ITPKC: variants seen among roughly 807,000 people sequenced by gnomAD.
The protein encoded by ITPKC is IP3 3-kinase C.
Under a neutral mutation model 67.1 loss-of-function variants are expected in ITPKC, and 33 were observed. That is an observed-to-expected ratio of 0.49 (90% CI 0.37 to 0.66). ITPKC has a LOEUF of 0.66. ITPKC is among the 30% of genes least tolerant of loss of function. The probability of loss-of-function intolerance (pLI) is 0.00; values close to 1 mark genes in which losing one functional copy is unlikely to be tolerated. For synonymous variants in ITPKC, 341 were observed against 359.8 expected (o/e 0.95, Z 0.59); for missense variants, 820 against 892.1 (o/e 0.92, Z 1.03).
intron 1 of ITPKC, among the ~76,000 whole-genome samples, chr19:40,721,645 A>G (rs1218229079): frequency 1.3e-5 from 2 of 151,942 alleles, no homozygotes; most frequent in Non-Finnish European, 2.9e-5. Context: ...CTGGGATTAC[A>G]AGCATGAGCC....
chr19:40,737,400 T>G (rs1197046664), intron 5 of ITPKC, among the ~76,000 whole-genome samples: 1 of 152,236 alleles, frequency 6.6e-6, no homozygotes, highest in African/African-American at 2.4e-5. Flanking sequence ...GGGCTCAGAA[T>G]GGCCACCATC....
chr19:40,731,279 G>T (rs536553558), intron 3 of ITPKC, among the ~76,000 whole-genome samples: 1 of 152,286 alleles, frequency 6.6e-6, no homozygotes, highest in African/African-American at 2.4e-5. Flanking sequence ...TCTCTGGAGG[G>T]CGAACCCTAT....
chr19:40,739,578 A>C lies in ITPKC; in HGVS notation c.*18A>C, dbSNP rs755223441. 6.2e-7 allele frequency: 1 copy of C among 1,604,008 alleles called. No homozygotes were observed. The highest frequency in any genetic ancestry group is 8.5e-7 in the Non-Finnish European group (1 of 1,173,976). On this transcript the variant is annotated 3_prime_UTR_variant, in exon 7 of 7. Transcript: ENST00000263370. The stretch of plus-strand genomic sequence containing the variant: ...AGAGCTGAGCTGCTCAGCCACCATC[A>C]GGTTAATTGGATGGCGCCAGTCTGG...
intron 4 of ITPKC, among the ~76,000 whole-genome samples, chr19:40,733,648 T>C (rs1218314375): frequency 6.6e-6 from 1 of 152,236 alleles, no homozygotes; most frequent in Non-Finnish European, 1.5e-5. Context: ...CTGGGCATCC[T>C]GGCCCTGGTC....
chr19:40,730,003 C>T (rs1326265003), intron 3 of ITPKC, among the ~76,000 whole-genome samples: 4 of 152,136 alleles, frequency 2.6e-5, no homozygotes, highest in South Asian at 2.1e-4. Context: ...TGCAGTGGCA[C>T]GATCTCGGCT....
At chr19:40,729,030 AAAAAT>A (rs886463779) in intron 2 of ITPKC, among the ~76,000 whole-genome samples, 167 bp from the exon 3 acceptor site, 30 of 152,244 alleles carry the variant, frequency 2.0e-4, no homozygotes, top group African/African-American at 6.3e-4. Context: ...TCCATCTCAA[AAAAAT>A]AAAATAAAAT....
intron 2 of ITPKC, among the ~76,000 whole-genome samples, chr19:40,725,845 T>G (rs889884909): frequency 6.6e-6 from 1 of 152,158 alleles, no homozygotes; most frequent in Admixed American, 6.6e-5. Flanking sequence ...GGCTTACATC[T>G]GTAATCCTAG....
chr19:40,729,234 C>G lies in ITPKC; in HGVS notation c.1288C>G (p.Leu430Val), dbSNP rs1312505687. Residue 430 changes from leucine (L) to valine (V), a missense_variant, in exon 3 of 7, where the codon CTG becomes GTG. Physicochemically the swap from Leu to Val is conservative, Grantham distance 32. Transcript: ENST00000263370. ...NFQAGEDGRI[L>V]KRFCQCEQRS... ...CCAGGCAGGAGAGGATGGTCGGATT[C>G]TGAAACGTTTCTGTCAGTGTGAGCA... 4 of 1,613,996 alleles carry G rather than the reference C, an allele frequency of 2.5e-6. No homozygotes were observed. In the Admixed American group the frequency reaches 5.0e-5, roughly 20 times the overall value.
rs2082197506 is a variant in ITPKC, at chr19:40,717,681, G to A, written c.546G>A (p.Gln182=). Residue 182 remains glutamine, a synonymous_variant, in exon 1 of 7, where the codon CAG becomes CAA. Transcript: ENST00000263370. The stretch of plus-strand genomic sequence containing the variant: ...CAGAGCTGGAAACGCATGGGTCACA[G>A]ACTCAGCCAGAGAGGGTCAAGTCCT... ...PWTELETHGS[Q]TQPERVKSWA... 1 of 1,614,142 alleles carries A rather than the reference G, an allele frequency of 6.2e-7. No individual in the cohort carries two copies. The highest frequency in any genetic ancestry group is 8.5e-7 in the Non-Finnish European group (1 of 1,180,010).
intron 3 of ITPKC, 26 bp from the exon 4 acceptor site, chr19:40,733,134 C>A (rs757197273): frequency 1.2e-6 from 2 of 1,606,216 alleles, no homozygotes; most frequent in Non-Finnish European, 1.7e-6. Context: ...ACATAATTTC[C>A]TTTGTCACAT....
Position 40,717,320 on chromosome 19 carries a change from C to T in ITPKC, c.185C>T (p.Thr62Ile). ...GAGGGGGGCGGGCCCTGGGCCCGGA[C>T]AGAGGGGTCCAGCCTCCACAGCGAG... ...RPEGGGPWAR[T>I]EGSSLHSEPE... The change falls in exon 1 of 7, where the codon ACA becomes ATA. Residue 62 changes from threonine (T) to isoleucine (I), a missense_variant. By Grantham distance (89) the Thr-to-Ile change is moderately conservative (BLOSUM62 -1). Coordinates refer to ENST00000263370, the MANE Select transcript of ITPKC (RefSeq NM_025194.3). 1 of 1,587,048 alleles carries T rather than the reference C, an allele frequency of 6.3e-7. No homozygotes were observed. The highest frequency in any genetic ancestry group is 8.5e-7 in the Non-Finnish European group (1 of 1,169,594).
chr19:40,719,257 G>C (rs2082209664), intron 1 of ITPKC, among the ~76,000 whole-genome samples: 1 of 152,106 alleles, frequency 6.6e-6, no homozygotes, highest in South Asian at 2.1e-4. Context: ...CTGCCTTGAC[G>C]TGCCTGTGCC....
At chr19:40,738,419 A>AC (rs1172145340) in intron 6 of ITPKC, among the ~76,000 whole-genome samples, 36 of 151,906 alleles carry the variant, frequency 2.4e-4, no homozygotes, top group African/African-American at 8.2e-4. Flanking sequence ...ACAGAGTGAG[A>AC]CTCTGTCTCA....
At chr19:40,726,924 C>T (rs2082248694) in intron 2 of ITPKC, among the ~76,000 whole-genome samples, 1 of 151,962 alleles carries the variant, frequency 6.6e-6, no homozygotes, top group Admixed American at 6.6e-5. Context: ...CACCTGTGGT[C>T]CCAGGTACTT....
intron 6 of ITPKC, 25 bp downstream of exon 6, chr19:40,737,794 G>A (rs754413835): frequency 9.1e-5 from 144 of 1,588,214 alleles, no homozygotes; most frequent in African/African-American, 1.3e-5. Context: ...TTCCATGGGT[G>A]GATGTATGGG....
intron 2 of ITPKC, among the ~76,000 whole-genome samples, chr19:40,728,206 C>T (rs191780687): frequency 8.7e-4 from 132 of 151,986 alleles, no homozygotes; most frequent in Non-Finnish European, 1.7e-3. Flanking sequence ...TACCCCAACC[C>T]GACATTACAC....
In ITPKC at chr19:40,739,429, A is replaced by C. The variant is rs2082312809; in HGVS notation, c.1921A>C (p.Lys641Gln). The C allele has an allele frequency of 1.2e-6, 2 of 1,613,700 alleles. No homozygotes were observed. Among genetic ancestry groups the C allele is most frequent in the Non-Finnish European group, 1.7e-6 (2 of 1,180,042 alleles). ...CAAGGTCTGGATGATAGACTTCGGCAAGACGGTGGCCTTGCCCGACCACCA... is the reference window on the plus strand; with the variant it reads ...CAAGGTCTGGATGATAGACTTCGGCCAGACGGTGGCCTTGCCCGACCACCA... ...LAKVWMIDFG[K>Q]TVALPDHQTL... Residue 641 changes from lysine to glutamine, a missense_variant, in exon 7 of 7, where the codon AAG becomes CAG. By Grantham distance (53) the Lys-to-Gln change is moderately conservative. This residue lies in a region of ITPKC where 339 missense variants were observed against 422.0 expected (regional missense o/e 0.80). Transcript: ENST00000263370.
intron 4 of ITPKC, among the ~76,000 whole-genome samples, chr19:40,736,489 G>A (rs1021735422): frequency 6.6e-6 from 1 of 151,788 alleles, no homozygotes; most frequent in Non-Finnish European, 1.5e-5. Context: ...AAGTGTGCAG[G>A]CAGGTGGGTG....
chr19:40,737,124 T>TA (rs1568452816), intron 5 of ITPKC, 37 bp downstream of exon 5: 1 of 1,278,082 alleles, frequency 7.8e-7, no homozygotes, highest in East Asian at 2.5e-5. Context: ...TGTAGCAGCT[T>TA]AAGACAGCCA....
Sources: allele counts gnomAD v4.1 joint callset (sites outside exome capture counted in the v4.1 genomes callset), GRCh38; gene constraint gnomAD v4.1.1; regional missense constraint gnomAD v4.1.1; transcripts MANE v1.5; gene names NCBI Gene and HGNC (gene_info 2026-07-23, HGNC 2026-07-21).